TREH: variants seen among roughly 807,000 people sequenced by gnomAD.
TREH encodes alpha,alpha-trehalose glucohydrolase.
In TREH, 69 loss-of-function variants were observed where a neutral mutation model predicts 80.5. The observed-to-expected ratio is 0.86, with a 90% CI of 0.71 to 1.05. The LOEUF (loss-of-function observed/expected upper bound fraction) is 1.05, where lower values mean the gene tolerates loss of function less well. Among genes scored for constraint, TREH ranks in the 50% least tolerant of loss-of-function variants. The pLI, the probability that TREH is intolerant of heterozygous loss-of-function variation, is 0.00. For missense variants in TREH, 716 were observed against 718.8 expected, an observed-to-expected ratio of 1.00 and a Z score of 0.04; for synonymous variants, 309 against 293.5, an observed-to-expected ratio of 1.05 and a Z score of -0.54.
Position 118,661,765 on chromosome 11 carries a change from C to T in TREH, c.525-36G>A. The T allele has an allele frequency of 6.2e-7, 1 of 1,611,676 alleles. No homozygotes were observed. The highest frequency in any genetic ancestry group is 8.5e-7 in the Non-Finnish European group (1 of 1,178,184). On this transcript the variant is annotated intron_variant, in intron 5 of 14. Coordinates refer to ENST00000264029, the MANE Select transcript of TREH (RefSeq NM_007180.3). The surrounding 1 kb of genome is among the most constrained non-coding windows in gnomAD (Gnocchi z 4.2). Reference sequence around the variant, plus strand: ...GGCAGCTTAGGCACCACCCTGCTGCCTCCCTCTGCCCTGCACACCAGCCAG... The same window carrying T: ...GGCAGCTTAGGCACCACCCTGCTGCTTCCCTCTGCCCTGCACACCAGCCAG...
In TREH at chr11:118,658,905, C is replaced by T. The variant is rs1555144124; in HGVS notation, c.1545G>A (p.Lys515=). Residue 515 remains lysine (K), a splice_region_variant and synonymous_variant, in exon 13 of 15, where the codon AAG becomes AAA. Coordinates refer to ENST00000264029, the MANE Select transcript of TREH (RefSeq NM_007180.3). ...GCAGGGAGGGCTTGGGCCAGCTCAC[C>T]TTCTCATACATGGCTGACTTCTGCG... ...VYSQKSAMYE[K]YDVSNGGQPG... is the part of the protein sequence containing the mutation. 2 of 1,613,880 alleles carry T rather than the reference C, an allele frequency of 1.2e-6. No individual in the cohort carries two copies. Among genetic ancestry groups the T allele is most frequent in the South Asian group, 1.1e-5 (1 of 91,080 alleles).
intron 12 of TREH, 127 bp from the exon 13 acceptor site, chr11:118,659,144 G>A: frequency 9.5e-7 from 1 of 1,055,602 alleles, no homozygotes; most frequent in South Asian, 1.5e-5. Context: ...TGAGACCACA[G>A]GCCAAACTGC....
intron 4 of TREH, 66 bp from the exon 5 acceptor site, chr11:118,662,056 G>A: frequency 7.3e-7 from 1 of 1,361,116 alleles, no homozygotes; most frequent in Non-Finnish European, 1.0e-6. Context: ...ACAGGCAGCT[G>A]GGGGATCTGA....
intron 1 of TREH, among the ~76,000 whole-genome samples, chr11:118,664,410 G>A (rs1417671448): frequency 6.6e-6 from 1 of 152,216 alleles, no homozygotes; most frequent in Non-Finnish European, 1.5e-5. Context: ...TGACTTATGG[G>A]CAGTAGCCAA....
Position 118,674,670 on chromosome 11 carries a change from G to A in TREH, c.89+4869C>T, listed in dbSNP as rs184025990. On this transcript the variant is annotated intron_variant, in intron 1 of 14. Coordinates refer to ENST00000264029, the MANE Select transcript of TREH (RefSeq NM_007180.3). The surrounding 1 kb of genome is among the most constrained non-coding windows in gnomAD (Gnocchi z 4.4). The stretch of plus-strand genomic sequence containing the variant: ...TGATTCTCCTGCCTCAGCCTCCTGA[G>A]TAGATGGGATTACAGGTGCGCACCA... Among the ~76,000 whole-genome samples the A allele has an allele frequency of 1.3e-3, 195 of 152,272 alleles. No individual in the cohort carries two copies. Among genetic ancestry groups the A allele is most frequent in the Non-Finnish European group, 2.5e-3 (170 of 68,004 alleles).
At chr11:118,670,283 C>T (rs563515644) in intron 1 of TREH, among the ~76,000 whole-genome samples, 5 of 152,096 alleles carry the variant, frequency 3.3e-5, no homozygotes, top group Non-Finnish European at 7.4e-5. Context: ...CAAAGACACA[C>T]CTATCATTTG....
Position 118,663,378 on chromosome 11 carries a change from C to A in TREH, c.151G>T (p.Asp51Tyr). The change falls in exon 2 of 15, where the codon GAC (aspartate) becomes TAC (tyrosine). Residue 51 changes from aspartate (D) to tyrosine (Y), a missense_variant. Transcript: ENST00000264029. The part of the protein sequence containing the change: ...QVQMAKLYQD[D>Y]KQFVDMPLSI... ...AGTGGCATGTCCACAAACTGCTTGT[C>A]ATCCTGGTAGAGCTTGGCCATTTGA... 6.3e-7 allele frequency: 1 copy of A among 1,597,746 alleles called. No homozygotes were observed. Among genetic ancestry groups the A allele is most frequent in the South Asian group, 1.1e-5 (1 of 87,462 alleles).
In TREH at chr11:118,662,632, A is replaced by G. The variant is rs1949336425; in HGVS notation, c.423+249T>C. The stretch of plus-strand genomic sequence containing the variant: ...CAGTGCTGGGCAGCCTGGAGGTGGC[A>G]GGGCAGGCTAGGGTTTCCTGGGGAG... On this transcript the variant is annotated intron_variant, in intron 4 of 14. Transcript: ENST00000264029. The G allele has an allele frequency of 5.9e-6, 3 of 510,992 alleles. No homozygotes were observed. In the Admixed American group the frequency reaches 1.0e-4, roughly 17 times the overall value. 31.7% of individuals were successfully genotyped at this position (510,992 alleles called of 1,614,324 possible).
chr11:118,658,598 C>T (rs1949254949), intron 14 of TREH, 82 bp downstream of exon 14: 1 of 1,536,794 alleles, frequency 6.5e-7, no homozygotes, highest in Admixed American at 2.0e-5. Flanking sequence ...CAGGTGAGCA[C>T]ACTGAGGCCT....
Position 118,675,602 on chromosome 11 carries a change from G to T in TREH, c.89+3937C>A, listed in dbSNP as rs994476386. On this transcript the variant is annotated intron_variant, in intron 1 of 14. Transcript: ENST00000264029. ...GGTGCATGGGGCAAGGTCTAGGGGG[G>T]CCCTGAATGTAGAGCTTCTGTGTCC... is the stretch of plus-strand genomic sequence containing the variant. Among the ~76,000 whole-genome samples, 19 of 152,266 alleles carry T rather than the reference G, an allele frequency of 1.2e-4. 1 individual carries two copies. Among genetic ancestry groups the T allele is most frequent in the African/African-American group, 4.3e-4 (18 of 41,542 alleles).
chr11:118,673,944 C>T (rs1323102754), intron 1 of TREH, among the ~76,000 whole-genome samples: 2 of 152,186 alleles, frequency 1.3e-5, no homozygotes, highest in Non-Finnish European at 2.9e-5. Flanking sequence ...AGGGCACTGT[C>T]CAATTGGCAA....
Position 118,663,160 on chromosome 11 carries a change from T to C in TREH, c.227A>G (p.Asp76Gly), listed in dbSNP as rs150134221. Reference protein sequence around the residue: ...VLQTFTELSRDHNHSIPREQL... With the variant: ...VLQTFTELSRGHNHSIPREQL... ...CTCCCTGGGGATGCTGTGATTGTGG[T>C]CCCTGGACAGCTCAGTGAAGGTCTG... The change falls in exon 3 of 15, where the codon GAC becomes GGC. Residue 76 changes from aspartate (D) to glycine (G), a missense_variant. By Grantham distance (94) the Asp-to-Gly change is moderately conservative (BLOSUM62 -1). Transcript: ENST00000264029. 3.6e-5 allele frequency: 58 copies of C among 1,613,460 alleles called. No homozygotes were observed. The African/African-American group carries it at 6.4e-4, about 18-fold the overall frequency.
rs1555144915 is a variant in TREH, at chr11:118,661,299, A to C, written c.735-17T>G. On this transcript the variant is annotated splice_polypyrimidine_tract_variant and intron_variant, in intron 7 of 14. Transcript: ENST00000264029. The surrounding 1 kb of genome is among the most constrained non-coding windows in gnomAD (Gnocchi z 4.2). ...ATGTTTTCCCTGGAGTGAAGCAGAC[A>C]ACACCTCAGCCCAGGCGTGCTGCCC... The C allele has an allele frequency of 1.9e-6, 3 of 1,613,806 alleles. No homozygotes were observed. The highest frequency in any genetic ancestry group is 1.3e-5 in the African/African-American group (1 of 74,892).
chr11:118,658,577 G>A (rs45472704), intron 14 of TREH, 103 bp downstream of exon 14: 37,428 of 1,518,148 alleles, frequency 0.025, 570 homozygotes, highest in Middle Eastern at 0.038. Flanking sequence ...CTCCTCCCCC[G>A]GGCCCACATG....
At position 118,661,814 on chromosome 11, in the gene TREH, A is replaced by G. The variant is rs1162386490; in HGVS notation, c.524+76T>C. On this transcript the variant is annotated intron_variant, in intron 5 of 14. Coordinates refer to ENST00000264029, the MANE Select transcript of TREH (RefSeq NM_007180.3). This position sits in a 1 kb window ranked among gnomAD's most constrained non-coding sequence, Gnocchi z 4.2. ...AGTGGGGCACTCTGCCCTGCTGAAGACACCCTGCTGGCCCTGGGTTTCTCC... is the reference window on the plus strand; with the variant it reads ...AGTGGGGCACTCTGCCCTGCTGAAGGCACCCTGCTGGCCCTGGGTTTCTCC... 3.1e-6 allele frequency: 5 copies of G among 1,597,702 alleles called. No homozygotes were observed. Among genetic ancestry groups the G allele is most frequent in the Non-Finnish European group, 4.3e-6 (5 of 1,169,116 alleles).
At chr11:118,675,176 G>C (rs1451693561) in intron 1 of TREH, among the ~76,000 whole-genome samples, 2 of 152,144 alleles carry the variant, frequency 1.3e-5, no homozygotes, top group Non-Finnish European at 2.9e-5. Flanking sequence ...ATCCACTCGA[G>C]AATGAAAGGT....
At chr11:118,664,468 C>T (rs1333603009) in intron 1 of TREH, among the ~76,000 whole-genome samples, 4 of 152,226 alleles carry the variant, frequency 2.6e-5, no homozygotes, top group Non-Finnish European at 5.9e-5. Flanking sequence ...AAGTGTTGCC[C>T]ACCTGGGGCA....
Position 118,668,060 on chromosome 11 carries a change from C to T in TREH, c.90-4621G>A, listed in dbSNP as rs146995088. Among the ~76,000 whole-genome samples the T allele has an allele frequency of 3.3e-5, 5 of 152,252 alleles. No individual in the cohort carries two copies. The South Asian group carries it at 6.2e-4, about 19-fold the overall frequency. On this transcript the variant is annotated intron_variant, in intron 1 of 14. Transcript: ENST00000264029. ...TTGTATTTTAGTAGAGACAGGGTTT[C>T]GCCATGTTGGCCAGGCTGGTCTTGA...
rs782615969 is a variant in TREH at position 118,661,998 on chromosome 11, C to T, written c.424-8G>A. 36 of 1,550,158 alleles carry T rather than the reference C, an allele frequency of 2.3e-5. No homozygotes were observed. The highest frequency in any genetic ancestry group is 1.8e-4 in the South Asian group (15 of 84,036). The stretch of plus-strand genomic sequence containing the variant: ...GAGAACCTCTGGCTTCATCTGGAGT[C>T]GGGAGAGAGGGCAAGGGGAGCCTAG... On this transcript the variant is annotated splice_polypyrimidine_tract_variant and splice_region_variant and intron_variant, in intron 4 of 14. Coordinates refer to ENST00000264029, the MANE Select transcript of TREH (RefSeq NM_007180.3). The surrounding 1 kb of genome is among the most constrained non-coding windows in gnomAD (Gnocchi z 4.2).
Sources: gnomAD v4.1 joint callset for allele counts (sites outside exome capture counted in the v4.1 genomes callset) on GRCh38, gnomAD v4.1.1 for gene constraint, Gnocchi (gnomAD v3.1) non-coding constraint, MANE v1.5 for transcripts, NCBI Gene and HGNC (gene_info 2026-07-23, HGNC 2026-07-21) for gene names.